Variants in GREB1L observed in about 807,000 individuals in gnomAD.
GREB1L encodes the protein GREB1-like protein.
Under a neutral mutation model 200.8 loss-of-function variants are expected in GREB1L, and 17 were observed. The observed-to-expected ratio is 0.08, with a 90% CI of 0.06 to 0.13. The LOEUF (loss-of-function observed/expected upper bound fraction) is 0.13, where lower values mean the gene tolerates loss of function less well. GREB1L is among the 10% of genes least tolerant of loss of function. The pLI, the probability that GREB1L is intolerant of heterozygous loss-of-function variation, is 1.00. For synonymous variants in GREB1L, 789 were observed against 893.0 expected (o/e 0.88, Z 2.08); for missense variants, 1,657 against 2,367.7 (o/e 0.70, Z 6.23).
intron 15 of GREB1L, among the ~76,000 whole-genome samples, chr18:21,460,744 T>C (rs545423520): frequency 6.6e-6 from 1 of 152,122 alleles, no homozygotes; most frequent in South Asian, 2.1e-4. Flanking sequence ...TCCTTCTCTC[T>C]TAGCAAATGA....
At chr18:21,252,006 A>G (rs1361325377) in intron 1 of GREB1L, among the ~76,000 whole-genome samples, 1 of 152,170 alleles carries the variant, frequency 6.6e-6, no homozygotes, top group Admixed American at 6.6e-5. Context: ...TAAAATGGTA[A>G]TAAAATATTT....
At chr18:21,520,370 T>C (rs2037568841) in intron 31 of GREB1L, among the ~76,000 whole-genome samples, 1 of 152,272 alleles carries the variant, frequency 6.6e-6, no homozygotes. Flanking sequence ...TATGCTTTTT[T>C]GTGGAAGGTA....
intron 1 of GREB1L, among the ~76,000 whole-genome samples, chr18:21,321,794 G>A (rs1384609237): frequency 1.3e-5 from 2 of 152,176 alleles, no homozygotes; most frequent in Admixed American, 6.5e-5. Context: ...AAAGCATGTC[G>A]TTATCTCCAT....
chr18:21,392,858 G>T (rs1405449771), intron 4 of GREB1L, among the ~76,000 whole-genome samples: 3 of 151,910 alleles, frequency 2.0e-5, no homozygotes, highest in Non-Finnish European at 4.4e-5. Context: ...TGCAACCTCT[G>T]CCTCCCTAGC....
chr18:21,519,854 C>T (rs533903777), intron 31 of GREB1L, among the ~76,000 whole-genome samples: 5 of 152,192 alleles, frequency 3.3e-5, no homozygotes, highest in South Asian at 2.1e-4. Context: ...CTTACTTCTC[C>T]GTAATTTTTG....
chr18:21,348,680 C>G (rs1306047019), intron 1 of GREB1L, among the ~76,000 whole-genome samples: 1 of 151,986 alleles, frequency 6.6e-6, no homozygotes, highest in Non-Finnish European at 1.5e-5. Context: ...GAGGCTGAGG[C>G]AGGAGAATCG....
chr18:21,268,605 A>G lies in GREB1L; in HGVS notation c.-120+26212A>G, dbSNP rs571521182. Among the ~76,000 whole-genome samples the G allele has an allele frequency of 2.9e-5, 4 of 138,922 alleles. No individual in the cohort carries two copies. The South Asian group carries it at 6.9e-4, about 24-fold the overall frequency. 91.1% of individuals were successfully genotyped at this position (138,922 alleles called of 152,430 possible). ...TATATATATATATACATGTATATAT[A>G]TATGTTTTTTCAGGCAGGGTTTCAT... On this transcript the variant is annotated intron_variant, in intron 1 of 32. Coordinates refer to ENST00000424526, the MANE Select transcript of GREB1L (RefSeq NM_001142966.3).
At chr18:21,411,970 G>A (rs1490919440) in intron 7 of GREB1L, among the ~76,000 whole-genome samples, 1 of 151,056 alleles carries the variant, frequency 6.6e-6, no homozygotes, top group African/African-American at 2.5e-5. Flanking sequence ...GCGTGAACCC[G>A]GGAAGCGGAG....
At chr18:21,407,365 T>C (rs754528814) in intron 7 of GREB1L, among the ~76,000 whole-genome samples, 12 of 152,230 alleles carry the variant, frequency 7.9e-5, no homozygotes, top group Non-Finnish European at 1.8e-4. Flanking sequence ...TAACTCAGGA[T>C]CTTGAAAATT....
chr18:21,284,886 T>C (rs2038329562), intron 1 of GREB1L, among the ~76,000 whole-genome samples: 1 of 152,208 alleles, frequency 6.6e-6, no homozygotes, highest in Non-Finnish European at 1.5e-5. Flanking sequence ...GGGTATGAAG[T>C]AGTATCCCAT....
At chr18:21,485,848 T>C in intron 18 of GREB1L, 95 bp downstream of exon 18, 3 of 1,220,936 alleles carry the variant, frequency 2.5e-6, no homozygotes, top group Non-Finnish European at 3.4e-6. Flanking sequence ...ACGGGGTGTT[T>C]GATGGAGCCC....
intron 1 of GREB1L, among the ~76,000 whole-genome samples, chr18:21,329,598 C>T (rs1598663288): frequency 2.0e-5 from 3 of 152,162 alleles, no homozygotes; most frequent in South Asian, 4.2e-4. Context: ...CTGGGTCTTA[C>T]GCACCTGGCT....
Position 21,499,812 on chromosome 18 carries a change from C to T in GREB1L, c.3475C>T (p.Pro1159Ser), listed in dbSNP as rs1405584555. The T allele has an allele frequency of 6.4e-7, 1 of 1,551,898 alleles. No individual in the cohort carries two copies. The change falls in exon 22 of 33, where the codon CCA (proline) becomes TCA (serine). Residue 1159 changes from proline to serine, a missense_variant. Pro to Ser is a moderately conservative substitution (Grantham distance 74). Coordinates refer to ENST00000424526, the MANE Select transcript of GREB1L (RefSeq NM_001142966.3). ...GTCCCTGACCCCCAGCTTTCAGAGC[C>T]CAGCCACCAGCTTGGGGCTGGATGA... ...KQSLTPSFQS[P>S]ATSLGLDEGV...
At chr18:21,272,796 T>TA (rs1306854049) in intron 1 of GREB1L, among the ~76,000 whole-genome samples, 12 of 152,088 alleles carry the variant, frequency 7.9e-5, no homozygotes, top group East Asian at 3.9e-4. Flanking sequence ...AAGAAGATAA[T>TA]AAAAAAAGAT....
intron 5 of GREB1L, 88 bp downstream of exon 5, chr18:21,395,649 T>C: frequency 2.1e-6 from 2 of 931,842 alleles, no homozygotes; most frequent in Non-Finnish European, 3.2e-6. Context: ...TTTTAAAAAA[T>C]ATACCAGAGG....
intron 1 of GREB1L, among the ~76,000 whole-genome samples, chr18:21,278,133 A>G (rs1420069363): frequency 8.5e-5 from 13 of 152,180 alleles, no homozygotes; most frequent in Non-Finnish European, 4.4e-5. Context: ...TAGTCCCAGC[A>G]CTTTGGGAGG....
chr18:21,276,123 C>T (rs2038159442), intron 1 of GREB1L, among the ~76,000 whole-genome samples: 2 of 152,158 alleles, frequency 1.3e-5, no homozygotes, highest in Non-Finnish European at 2.9e-5. Flanking sequence ...TTTTTACATG[C>T]GAATGCCTAC....
chr18:21,372,779 G>C (rs1278364501), intron 2 of GREB1L, among the ~76,000 whole-genome samples: 1 of 152,052 alleles, frequency 6.6e-6, no homozygotes, highest in Non-Finnish European at 1.5e-5. Context: ...AAATTAGCTG[G>C]GCATGATGGC....
At chr18:21,465,885 C>T (rs2035245160) in intron 15 of GREB1L, among the ~76,000 whole-genome samples, 1 of 152,086 alleles carries the variant, frequency 6.6e-6, no homozygotes, top group Non-Finnish European at 1.5e-5. Flanking sequence ...CCTGGTGCGC[C>T]TCCTTGATGC....
Sources: allele counts gnomAD v4.1 joint callset (sites outside exome capture counted in the v4.1 genomes callset), GRCh38; gene constraint gnomAD v4.1.1; transcripts MANE v1.5; gene names NCBI Gene and HGNC (gene_info 2026-07-23, HGNC 2026-07-21).